CHST9: variants seen among roughly 807,000 people sequenced by gnomAD.
CHST9 encodes the protein GalNAc-4-sulfotransferase 2.
Under a neutral mutation model 44.4 loss-of-function variants are expected in CHST9, and 41 were observed. The ratio of observed to expected loss-of-function variants is 0.92; its 90% confidence interval spans 0.72 to 1.20. CHST9 has a LOEUF of 1.20. Among genes scored for constraint, CHST9 ranks in the 50% most tolerant of loss-of-function variants. The pLI, the probability that CHST9 is intolerant of heterozygous loss-of-function variation, is 0.00. For missense variants in CHST9, 504 were observed against 516.5 expected (o/e 0.98, Z 0.23); for synonymous variants, 171 against 178.4 (o/e 0.96, Z 0.33).
intron 1 of CHST9, among the ~76,000 whole-genome samples, chr18:27,176,569 A>T (rs1446338947): frequency 1.3e-5 from 2 of 152,038 alleles, no homozygotes; most frequent in Non-Finnish European, 1.5e-5. Flanking sequence ...TGATTTTGAC[A>T]TGTTTCATTT....
chr18:27,128,037 T>C (rs1205791853), intron 2 of CHST9, among the ~76,000 whole-genome samples: 1 of 152,118 alleles, frequency 6.6e-6, no homozygotes, highest in Non-Finnish European at 1.5e-5. Context: ...AAAAGCTCAG[T>C]AGAGAACTTA....
At chr18:27,160,869 T>C (rs1168691440) in intron 1 of CHST9, among the ~76,000 whole-genome samples, 1 of 152,234 alleles carries the variant, frequency 6.6e-6, no homozygotes, top group Non-Finnish European at 1.5e-5. Flanking sequence ...ATGTATCCAT[T>C]TCTTCTAGAT....
chr18:27,027,104 C>T (rs1187671446), intron 3 of CHST9, among the ~76,000 whole-genome samples: 2 of 152,176 alleles, frequency 1.3e-5, no homozygotes. Context: ...AGCTCACACT[C>T]AAGTGAGAGA....
In CHST9 at chr18:26,965,031, T is replaced by C. The variant is rs545822013; in HGVS notation, c.203-20665A>G. On this transcript the variant is annotated intron_variant, in intron 4 of 5. Transcript: ENST00000618847. ...CTTTAATGTCCAGAATCGTGATTTA[T>C]TTCTTTCCTTCATTATTTGTAGTTG... Among the ~76,000 whole-genome samples the C allele has an allele frequency of 2.2e-4, 34 of 152,368 alleles. No homozygotes were observed. In the South Asian group the frequency reaches 6.4e-3, roughly 29 times the overall value.
chr18:27,026,599 G>T (rs182200135), intron 3 of CHST9, among the ~76,000 whole-genome samples: 2 of 151,992 alleles, frequency 1.3e-5, no homozygotes, highest in East Asian at 3.9e-4. Context: ...CTGTATATTT[G>T]TACATAATAA....
chr18:27,041,418 T>A (rs961879609), intron 3 of CHST9, among the ~76,000 whole-genome samples: 2 of 152,126 alleles, frequency 1.3e-5, no homozygotes, highest in African/African-American at 4.8e-5. Flanking sequence ...AGATTAAAGT[T>A]TCTCTTTTTC....
chr18:26,958,812 G>A lies in CHST9; in HGVS notation c.203-14446C>T, dbSNP rs182232711. Among the ~76,000 whole-genome samples the A allele has an allele frequency of 2.7e-3, 417 of 152,232 alleles. 1 individual carries two copies. The highest frequency in any genetic ancestry group is 5.1e-3 in the Non-Finnish European group (350 of 68,006). On this transcript the variant is annotated intron_variant, in intron 4 of 5. Transcript: ENST00000618847. ...GTTAGAATGGCTATTACTAAAAGTCGAAACAGCACATGCTGGCGAGGCCAT... is the reference window on the plus strand; with the variant it reads ...GTTAGAATGGCTATTACTAAAAGTCAAAACAGCACATGCTGGCGAGGCCAT...
chr18:27,068,487 A>G (rs181449854), intron 2 of CHST9, among the ~76,000 whole-genome samples: 1 of 152,318 alleles, frequency 6.6e-6, no homozygotes, highest in Admixed American at 6.5e-5. Flanking sequence ...TCTTTGAATT[A>G]TCCCCAGTGA....
At chr18:26,936,683 A>C (rs1226939609) in intron 5 of CHST9, 2 of 152,184 alleles carry the variant, frequency 1.3e-5, no homozygotes, top group Admixed American at 6.5e-5. Flanking sequence ...GAAACATTTC[A>C]GTTACTCAGT....
intron 2 of CHST9, among the ~76,000 whole-genome samples, chr18:27,089,945 G>A (rs1224888094): frequency 6.6e-6 from 1 of 151,834 alleles, no homozygotes; most frequent in African/African-American, 2.4e-5. Context: ...CCAGTAGCTG[G>A]GACTACAGGT....
chr18:27,031,203 C>T (rs960265668), intron 3 of CHST9, among the ~76,000 whole-genome samples: 1 of 152,198 alleles, frequency 6.6e-6, no homozygotes, highest in Non-Finnish European at 1.5e-5. Flanking sequence ...CTCTCCTGAA[C>T]TTCAATTCTG....
At chr18:26,918,861 C>T (rs1015698253) in intron 5 of CHST9, among the ~76,000 whole-genome samples, 4 of 151,828 alleles carry the variant, frequency 2.6e-5, no homozygotes, top group African/African-American at 7.3e-5. Context: ...TGTATAGCCC[C>T]GTGTATTAGT....
At chr18:27,049,422 G>C (rs1399175664) in intron 2 of CHST9, among the ~76,000 whole-genome samples, 1 of 152,082 alleles carries the variant, frequency 6.6e-6, no homozygotes, top group Non-Finnish European at 1.5e-5. Context: ...AAGTACTATG[G>C]GGACAAGGAG....
intron 4 of CHST9, among the ~76,000 whole-genome samples, chr18:27,006,651 C>T (rs540367277): frequency 6.6e-6 from 1 of 152,318 alleles, no homozygotes; most frequent in Non-Finnish European, 1.5e-5. Context: ...ACTACATTTG[C>T]TTGCCTCCTC....
chr18:27,161,392 T>C (rs1180126002), intron 1 of CHST9, among the ~76,000 whole-genome samples: 1 of 152,214 alleles, frequency 6.6e-6, no homozygotes, highest in Non-Finnish European at 1.5e-5. Context: ...CAGGAGCAGG[T>C]TGTTCAGTTT....
At chr18:27,156,041 C>T (rs957314295) in intron 1 of CHST9, among the ~76,000 whole-genome samples, 1 of 150,926 alleles carries the variant, frequency 6.6e-6, no homozygotes, top group Non-Finnish European at 1.5e-5. Flanking sequence ...ATTAAGAAAC[C>T]GAGATAGGAT....
intron 2 of CHST9, among the ~76,000 whole-genome samples, chr18:27,123,299 G>A (rs1345303439): frequency 2.6e-4 from 39 of 152,128 alleles, no homozygotes; most frequent in Admixed American, 2.5e-3. Context: ...TGACAGTTAT[G>A]TTTTGGCTCT....
chr18:26,947,859 A>G lies in CHST9; in HGVS notation c.203-3493T>C, dbSNP rs1349352250. 2.6e-5 allele frequency among the ~76,000 whole-genome samples: 4 copies of G among 152,218 alleles called. No homozygotes were observed. The East Asian group carries it at 7.7e-4, about 29-fold the overall frequency. On this transcript the variant is annotated intron_variant, in intron 4 of 5. Coordinates refer to ENST00000618847, the MANE Select transcript of CHST9 (RefSeq NM_031422.6). Reference sequence around the variant, plus strand: ...TGTGGCGACTCCTCAAGGACCTAGAACCAGAAATACCATTTAAGCCAGCAA... The same window carrying G: ...TGTGGCGACTCCTCAAGGACCTAGAGCCAGAAATACCATTTAAGCCAGCAA...
At chr18:26,970,788 A>T (rs1038544838) in intron 4 of CHST9, among the ~76,000 whole-genome samples, 1 of 152,214 alleles carries the variant, frequency 6.6e-6, no homozygotes, top group Admixed American at 6.5e-5. Context: ...TGGGGAAGTT[A>T]ACTGACTCAT....
Sources: allele counts gnomAD v4.1 joint callset (sites outside exome capture counted in the v4.1 genomes callset), GRCh38; gene constraint gnomAD v4.1.1; transcripts MANE v1.5; gene names NCBI Gene and HGNC (gene_info 2026-07-23, HGNC 2026-07-21).